The following CUL5 variants were observed in gnomAD, a reference collection of about 807,000 sequenced individuals.
CUL5 encodes the protein cullin-5.
In CUL5, 26 loss-of-function variants were observed where a neutral mutation model predicts 108.8. That is an observed-to-expected ratio of 0.24 (90% confidence interval 0.18 to 0.33). The LOEUF (loss-of-function observed/expected upper bound fraction) is 0.33, where lower values mean the gene tolerates loss of function less well. Among genes scored for constraint, CUL5 ranks in the 10% least tolerant of loss-of-function variants. CUL5 has a pLI of 1.00. For synonymous variants in CUL5, 334 were observed against 298.0 expected, an observed-to-expected ratio of 1.12 and a Z score of -1.25; for missense variants, 524 against 909.2, an observed-to-expected ratio of 0.58 and a Z score of 5.45.
chr11:108,040,094 A>G (rs1295034223), intron 2 of CUL5, among the ~76,000 whole-genome samples: 1 of 152,224 alleles, frequency 6.6e-6, no homozygotes, highest in African/African-American at 2.4e-5. Context: ...ACTTTTGAGA[A>G]GCTTCTATTT....
intron 7 of CUL5, among the ~76,000 whole-genome samples, chr11:108,055,695 A>G (rs1863358980): frequency 2.0e-5 from 3 of 151,216 alleles, no homozygotes; most frequent in South Asian, 2.1e-4. Flanking sequence ...CAGTGGTGCA[A>G]TCTCGGCTCA....
chr11:108,059,069 C>G (rs1346726859), intron 7 of CUL5, among the ~76,000 whole-genome samples: 1 of 152,130 alleles, frequency 6.6e-6, no homozygotes, highest in African/African-American at 2.4e-5. Flanking sequence ...TGGCTGTTCA[C>G]AGGTTTGATC....
intron 1 of CUL5, among the ~76,000 whole-genome samples, chr11:108,026,479 C>A (rs188607773): frequency 6.6e-6 from 1 of 152,124 alleles, no homozygotes; most frequent in African/African-American, 2.4e-5. Flanking sequence ...CAGAGTCGTA[C>A]GACATCTATC....
At chr11:108,074,251 A>G (rs1036577244) in intron 10 of CUL5, among the ~76,000 whole-genome samples, 3 of 145,062 alleles carry the variant, frequency 2.1e-5, no homozygotes, top group Non-Finnish European at 4.5e-5. Context: ...CTTGAGTGCA[A>G]TGGCATGATC....
At chr11:108,086,326 T>C (rs986193824) in intron 11 of CUL5, among the ~76,000 whole-genome samples, 4 of 152,142 alleles carry the variant, frequency 2.6e-5, no homozygotes, top group Admixed American at 2.6e-4. Flanking sequence ...GACTAATAGC[T>C]AGCTTGTAAT....
chr11:108,090,800 G>A (rs533038838), intron 13 of CUL5, among the ~76,000 whole-genome samples: 18 of 152,006 alleles, frequency 1.2e-4, no homozygotes, highest in African/African-American at 4.1e-4. Flanking sequence ...AAGCACACAC[G>A]AGAGAGACCT....
intron 1 of CUL5, 49 bp from the exon 2 acceptor site, chr11:108,033,752 TA>T: frequency 8.5e-7 from 1 of 1,172,030 alleles, no homozygotes; most frequent in Non-Finnish European, 1.2e-6. Flanking sequence ...GGATACTTTT[TA>T]TTTAACTGCA....
chr11:108,097,466 C>T (rs1378459736), intron 16 of CUL5, among the ~76,000 whole-genome samples, 170 bp from the exon 17 acceptor site: 6 of 152,124 alleles, frequency 3.9e-5, no homozygotes, highest in South Asian at 2.1e-4. Flanking sequence ...ACTCTTTTCA[C>T]CTCTTCTCTT....
At chr11:108,047,597 A>G (rs1384811540) in intron 3 of CUL5, among the ~76,000 whole-genome samples, 4 of 152,200 alleles carry the variant, frequency 2.6e-5, no homozygotes, top group Non-Finnish European at 2.9e-5. Flanking sequence ...AATCTATTGG[A>G]TATTACTTAA....
intron 9 of CUL5, 78 bp downstream of exon 9, chr11:108,072,540 C>T (rs1050928080): frequency 3.5e-5 from 43 of 1,229,888 alleles, no homozygotes; most frequent in Admixed American, 6.3e-5. Flanking sequence ...AAATAGTGAG[C>T]GGTTACCAGA....
intron 1 of CUL5, among the ~76,000 whole-genome samples, chr11:108,023,392 G>A (rs1862375465): frequency 6.6e-6 from 1 of 152,004 alleles, no homozygotes; most frequent in African/African-American, 2.4e-5. Flanking sequence ...GTTAATGCTT[G>A]GTTTTAAGGT....
At chr11:108,040,325 G>A (rs1862862565) in intron 2 of CUL5, among the ~76,000 whole-genome samples, 1 of 151,908 alleles carries the variant, frequency 6.6e-6, no homozygotes, top group African/African-American at 2.4e-5. Context: ...CAAAAAATTA[G>A]CCAAGGCTGG....
chr11:108,054,604 T>A, intron 5 of CUL5, 43 bp from the exon 6 acceptor site: 1 of 1,351,456 alleles, frequency 7.4e-7, no homozygotes, highest in Non-Finnish European at 1.0e-6. Context: ...AAAATACTGA[T>A]TTTGATCATA....
intron 2 of CUL5, among the ~76,000 whole-genome samples, chr11:108,042,215 ATTC>A (rs1158081697): frequency 1.2e-5 from 1 of 83,798 alleles, no homozygotes; most frequent in African/African-American, 4.6e-5. Flanking sequence ...GTCATCCACA[ATTC>A]TTTTTTTTTT....
intron 11 of CUL5, among the ~76,000 whole-genome samples, chr11:108,083,668 G>T (rs920944246): frequency 6.6e-6 from 1 of 152,190 alleles, no homozygotes; most frequent in Non-Finnish European, 1.5e-5. Context: ...GTGCGTGCCT[G>T]TAGTCCTAGC....
At chr11:108,093,168 T>A (rs1379707077) in intron 13 of CUL5, among the ~76,000 whole-genome samples, 2 of 152,242 alleles carry the variant, frequency 1.3e-5, no homozygotes. Context: ...ACAGTAAAGC[T>A]GTTAATAAAG....
Position 108,098,544 on chromosome 11 carries a change from C to G in CUL5, c.2148+15C>G. Reference sequence around the variant, plus strand: ...TAAGAACCCAGGTTTGTAATGTTGACAGAATGTCTGAAGTTTAAAAAAACT... The same window carrying G: ...TAAGAACCCAGGTTTGTAATGTTGAGAGAATGTCTGAAGTTTAAAAAAACT... On this transcript the variant is annotated intron_variant, in intron 18 of 18. Coordinates refer to ENST00000393094, the MANE Select transcript of CUL5 (RefSeq NM_003478.6). 2 of 1,442,754 alleles carry G rather than the reference C, an allele frequency of 1.4e-6. No individual in the cohort carries two copies. The highest frequency in any genetic ancestry group is 1.8e-6 in the Non-Finnish European group (2 of 1,091,362). 89.4% of individuals were successfully genotyped at this position (1,442,754 alleles called of 1,614,324 possible). A position where few individuals can be genotyped will look rare whatever the true frequency, so the allele number is the denominator to read the frequency against.
intron 1 of CUL5, among the ~76,000 whole-genome samples, chr11:108,027,315 A>T (rs1160751525): frequency 1.3e-5 from 2 of 149,998 alleles, no homozygotes; most frequent in Admixed American, 6.7e-5. Flanking sequence ...CCTGCTGTCC[A>T]GGCTGGAGTG....
chr11:108,048,379 A>G (rs1863118687), intron 3 of CUL5, among the ~76,000 whole-genome samples: 1 of 152,180 alleles, frequency 6.6e-6, no homozygotes, highest in Non-Finnish European at 1.5e-5. Context: ...GAATTTGCCT[A>G]AGCTTATTAA....
Sources: allele counts gnomAD v4.1 joint callset (sites outside exome capture counted in the v4.1 genomes callset), GRCh38; gene constraint gnomAD v4.1.1; transcripts MANE v1.5; gene names NCBI Gene and HGNC (gene_info 2026-07-23, HGNC 2026-07-21).